KIAA1217: variants seen among roughly 807,000 people sequenced by gnomAD.
The protein encoded by KIAA1217 is sickle tail protein homolog.
A neutral mutation model predicts 163.9 loss-of-function variants in KIAA1217; 88 were observed. The ratio of observed to expected loss-of-function variants is 0.54; its 90% CI spans 0.45 to 0.64. The LOEUF (loss-of-function observed/expected upper bound fraction) is 0.64. Among genes scored for constraint, KIAA1217 ranks in the 30% least tolerant of loss-of-function variants. KIAA1217 has a pLI of 0.00. For synonymous variants in KIAA1217, 903 were observed against 923.1 expected (o/e 0.98, Z 0.39); for missense variants, 2,372 against 2,475.0 (o/e 0.96, Z 0.88).
At chr10:23,914,183 A>C (rs1010475627) in intron 1 of KIAA1217, among the ~76,000 whole-genome samples, 2 of 151,680 alleles carry the variant, frequency 1.3e-5, no homozygotes, top group Non-Finnish European at 2.9e-5. Flanking sequence ...GCAGAGGAAG[A>C]CTCTTCCAGG....
intron 11 of KIAA1217, 32 bp downstream of exon 11, chr10:24,520,285 T>C (rs1215684962): frequency 6.2e-7 from 1 of 1,611,964 alleles, no homozygotes; most frequent in Non-Finnish European, 8.5e-7. Flanking sequence ...GGGAGGAGTC[T>C]GAGCTGTCTT....
At chr10:24,519,914 C>T (rs541073449) in intron 10 of KIAA1217, among the ~76,000 whole-genome samples, 1 of 152,268 alleles carries the variant, frequency 6.6e-6, no homozygotes, top group African/African-American at 2.4e-5. Context: ...CCTGGAAAAC[C>T]CTCCTTGTAC....
At chr10:23,933,479 T>A (rs1843341874) in intron 1 of KIAA1217, among the ~76,000 whole-genome samples, 1 of 152,096 alleles carries the variant, frequency 6.6e-6, no homozygotes, top group African/African-American at 2.4e-5. Context: ...GATCACTAAG[T>A]TTTTTTCCAG....
intron 1 of KIAA1217, among the ~76,000 whole-genome samples, chr10:23,774,862 A>AT (rs1352913141): frequency 2.6e-5 from 4 of 152,350 alleles, no homozygotes; most frequent in South Asian, 2.1e-4. Flanking sequence ...AAGCTTTAAC[A>AT]TTTTTTAACA....
intron 1 of KIAA1217, among the ~76,000 whole-genome samples, chr10:23,998,185 T>C (rs1195275141): frequency 1.3e-5 from 2 of 152,188 alleles, no homozygotes; most frequent in Non-Finnish European, 2.9e-5. Context: ...TAGCAAAGTC[T>C]TCAAACAAAT....
chr10:23,857,990 A>T (rs375229304), intron 1 of KIAA1217, among the ~76,000 whole-genome samples: 1 of 151,910 alleles, frequency 6.6e-6, no homozygotes, highest in African/African-American at 2.4e-5. Context: ...CAGAGACTTC[A>T]AGTAGGAGAC....
intron 2 of KIAA1217, among the ~76,000 whole-genome samples, chr10:24,157,452 GT>G (rs1429300650): frequency 6.6e-6 from 1 of 152,120 alleles, no homozygotes; most frequent in Non-Finnish European, 1.5e-5. Flanking sequence ...TTGTCTTCTT[GT>G]TCTCTTAACA....
intron 2 of KIAA1217, among the ~76,000 whole-genome samples, chr10:24,165,959 A>G: frequency 6.6e-6 from 1 of 152,160 alleles, no homozygotes; most frequent in East Asian, 1.9e-4. Flanking sequence ...GACTCAAGAC[A>G]CACCCTTGGT....
intron 1 of KIAA1217, among the ~76,000 whole-genome samples, chr10:23,987,603 T>TTG (rs568995756): frequency 0.012 from 1,439 of 121,272 alleles, 19 homozygotes; most frequent in African/African-American, 0.058. Flanking sequence ...ACATTCTTAT[T>TTG]TGTGTGTGTG....
intron 2 of KIAA1217, among the ~76,000 whole-genome samples, chr10:24,075,135 C>CAG (rs1256686071): frequency 7.3e-6 from 1 of 136,240 alleles, no homozygotes; most frequent in Non-Finnish European, 1.5e-5. Flanking sequence ...CACACACACA[C>CAG]ACACACACAC....
intron 17 of KIAA1217, among the ~76,000 whole-genome samples, chr10:24,540,449 G>C (rs1251961207): frequency 6.6e-6 from 1 of 152,014 alleles, no homozygotes. Flanking sequence ...GGTCAGGCTG[G>C]TCTCGAACTC....
At chr10:24,392,793 A>G (rs1311643486) in intron 3 of KIAA1217, among the ~76,000 whole-genome samples, 1 of 152,242 alleles carries the variant, frequency 6.6e-6, no homozygotes, top group Non-Finnish European at 1.5e-5. Flanking sequence ...GAGATGAGAC[A>G]TTAGGAAATG....
At chr10:23,803,866 T>TG (rs1416089859) in intron 1 of KIAA1217, among the ~76,000 whole-genome samples, 6 of 152,102 alleles carry the variant, frequency 3.9e-5, no homozygotes, top group Non-Finnish European at 7.3e-5. Flanking sequence ...GGTGGGTTTG[T>TG]GTTTGTATGC....
At chr10:24,409,979 C>A (rs142578372) in intron 3 of KIAA1217, among the ~76,000 whole-genome samples, 2,542 of 147,278 alleles carry the variant, frequency 0.017, 65 homozygotes, top group African/African-American at 0.06. Flanking sequence ...CTTTTCTTTT[C>A]TTTTCTTTTT....
chr10:24,458,973 A>G (rs1295135732), intron 5 of KIAA1217, among the ~76,000 whole-genome samples: 2 of 152,186 alleles, frequency 1.3e-5, no homozygotes, highest in Admixed American at 6.5e-5. Context: ...GCAGGTCAGT[A>G]TCACCTGGGG....
intron 1 of KIAA1217, among the ~76,000 whole-genome samples, chr10:24,002,451 AC>A (rs747324049): frequency 1.4e-4 from 21 of 152,096 alleles, no homozygotes; most frequent in Admixed American, 7.2e-4. Context: ...CTCCTTCTTT[AC>A]AAAAATTGCT....
intron 3 of KIAA1217, among the ~76,000 whole-genome samples, chr10:24,421,756 T>C (rs1357667137): frequency 6.6e-6 from 1 of 152,234 alleles, no homozygotes; most frequent in Non-Finnish European, 1.5e-5. Flanking sequence ...TTTATTTATA[T>C]TGCAGAAAAT....
At chr10:23,703,846 CA>C (rs1836656045) in intron 1 of KIAA1217, among the ~76,000 whole-genome samples, 1 of 151,784 alleles carries the variant, frequency 6.6e-6, no homozygotes. Flanking sequence ...TTGCAGTCCG[CA>C]CTGATTTTTG....
chr10:23,886,885 C>T (rs1391176746), intron 1 of KIAA1217, among the ~76,000 whole-genome samples: 1 of 150,452 alleles, frequency 6.6e-6, no homozygotes, highest in African/African-American at 2.4e-5. Flanking sequence ...AAATGTTAGT[C>T]ACATTGAATT....
Sources: gnomAD v4.1 joint callset for allele counts (sites outside exome capture counted in the v4.1 genomes callset) on GRCh38, gnomAD v4.1.1 for gene constraint, MANE v1.5 for transcripts, NCBI Gene and HGNC (gene_info 2026-07-23, HGNC 2026-07-21) for gene names.